Variants in NKAIN2 observed in about 807,000 individuals in gnomAD.
NKAIN2 encodes sodium/potassium transporting ATPase interacting 2, also known as sodium/potassium-transporting ATPase subunit beta-1-interacting protein 2.
In NKAIN2, 14 loss-of-function variants were observed where a neutral mutation model predicts 32.6. The observed-to-expected ratio is 0.43, with a 90% CI of 0.28 to 0.67. NKAIN2 has a LOEUF of 0.67. Ranked by LOEUF, NKAIN2 falls within the 30% of genes least tolerant of loss-of-function variation. The pLI, the probability that NKAIN2 is intolerant of heterozygous loss-of-function variation, is 0.17. For missense variants in NKAIN2, 198 were observed against 258.3 expected (o/e 0.77, Z 1.60); for synonymous variants, 80 against 87.2 (o/e 0.92, Z 0.46).
At chr6:124,074,645 C>T (rs536352258) in intron 1 of NKAIN2, among the ~76,000 whole-genome samples, 111 of 152,258 alleles carry the variant, frequency 7.3e-4, no homozygotes, top group Non-Finnish European at 9.8e-4. Context: ...ACTTTCAATA[C>T]CTTAATGCAC....
intron 1 of NKAIN2, among the ~76,000 whole-genome samples, chr6:124,110,493 G>T (rs1214307435): frequency 1.3e-5 from 2 of 152,014 alleles, no homozygotes; most frequent in Admixed American, 1.3e-4. Context: ...AGGTACAGAT[G>T]ACCCTGTGTG....
chr6:123,933,719 G>A (rs1156328571), intron 1 of NKAIN2, among the ~76,000 whole-genome samples: 1 of 152,174 alleles, frequency 6.6e-6, no homozygotes, highest in African/African-American at 2.4e-5. Flanking sequence ...CAGAAAGCTT[G>A]GCCTTTTGGG....
chr6:124,445,829 A>T (rs1229545288), intron 3 of NKAIN2, among the ~76,000 whole-genome samples: 1 of 152,134 alleles, frequency 6.6e-6, no homozygotes, highest in Non-Finnish European at 1.5e-5. Flanking sequence ...CATGTCATTA[A>T]GGATGCTATG....
At chr6:124,737,232 G>T (rs1776990563) in intron 4 of NKAIN2, among the ~76,000 whole-genome samples, 1 of 151,940 alleles carries the variant, frequency 6.6e-6, no homozygotes, top group African/African-American at 2.4e-5. Context: ...GGATGCGGCG[G>T]GAGCTAATTG....
At chr6:124,364,494 A>C (rs910460080) in intron 3 of NKAIN2, among the ~76,000 whole-genome samples, 1 of 152,050 alleles carries the variant, frequency 6.6e-6, no homozygotes, top group African/African-American at 2.4e-5. Flanking sequence ...ATCTAAATCA[A>C]AGAGAAGATT....
rs202196274 is a variant in NKAIN2, at chr6:124,288,015, GA to G, written c.192+4882del. Among the ~76,000 whole-genome samples the G allele has an allele frequency of 4.0e-3, 602 of 149,366 alleles. 2 individuals carry two copies. The highest frequency in any genetic ancestry group is 0.013 in the African/African-American group (530 of 40,718). ...TCTTCCAAACTCAGTCTCCAAACTA[GA>G]AAAAAAAAGTTTCAAAATAGCTGAA... On this transcript the variant is annotated intron_variant, in intron 2 of 6. Transcript: ENST00000368417.
intron 3 of NKAIN2, among the ~76,000 whole-genome samples, chr6:124,544,675 A>G (rs1780030911): frequency 6.6e-6 from 1 of 152,120 alleles, no homozygotes; most frequent in African/African-American, 2.4e-5. Context: ...GAAAAAAAAA[A>G]AGATGATGTC....
intron 1 of NKAIN2, among the ~76,000 whole-genome samples, chr6:124,254,262 A>G (rs1448824439): frequency 6.6e-6 from 1 of 152,162 alleles, no homozygotes; most frequent in Non-Finnish European, 1.5e-5. Flanking sequence ...TAAGTGTTCT[A>G]CTTTCAATTG....
chr6:124,108,974 T>C (rs1785245257), intron 1 of NKAIN2, among the ~76,000 whole-genome samples: 1 of 152,058 alleles, frequency 6.6e-6, no homozygotes. Flanking sequence ...GTAAGTACTG[T>C]ATTTTGAAGT....
At chr6:124,229,830 T>A (rs1792353295) in intron 1 of NKAIN2, among the ~76,000 whole-genome samples, 1 of 152,148 alleles carries the variant, frequency 6.6e-6, no homozygotes, top group African/African-American at 2.4e-5. Context: ...CACGTGGAAC[T>A]GTTAAGTCTG....
intron 1 of NKAIN2, among the ~76,000 whole-genome samples, chr6:124,069,370 G>A (rs1274723707): frequency 6.6e-6 from 1 of 152,120 alleles, no homozygotes; most frequent in Non-Finnish European, 1.5e-5. Flanking sequence ...GAGAGGCTGG[G>A]CTATTGGCTG....
intron 3 of NKAIN2, among the ~76,000 whole-genome samples, chr6:124,646,087 T>C (rs1344809642): frequency 1.3e-5 from 2 of 152,332 alleles, no homozygotes; most frequent in East Asian, 3.9e-4. Context: ...GAAGGAATAT[T>C]GTTTATAGAC....
chr6:124,809,464 C>T (rs1187385906), intron 5 of NKAIN2, among the ~76,000 whole-genome samples: 7 of 145,736 alleles, frequency 4.8e-5, no homozygotes, highest in African/African-American at 1.6e-4. Context: ...CTTCCTTACA[C>T]CTTATACAAA....
intron 3 of NKAIN2, among the ~76,000 whole-genome samples, chr6:124,549,190 C>A (rs1780201074): frequency 1.3e-5 from 2 of 152,018 alleles, no homozygotes. Flanking sequence ...CATAGTAAAA[C>A]CCCGTCTCTA....
chr6:123,938,609 TTA>T (rs960639563), intron 1 of NKAIN2, among the ~76,000 whole-genome samples: 2 of 137,308 alleles, frequency 1.5e-5, no homozygotes, highest in African/African-American at 5.4e-5. Flanking sequence ...ATATATATTT[TTA>T]TATATTATAT....
At chr6:124,022,530 A>G (rs1780913301) in intron 1 of NKAIN2, among the ~76,000 whole-genome samples, 1 of 152,140 alleles carries the variant, frequency 6.6e-6, no homozygotes. Flanking sequence ...AAGTGTTCCT[A>G]TTTCTCTTTG....
chr6:124,687,154 TATAA>T (rs1316047206), intron 4 of NKAIN2, among the ~76,000 whole-genome samples: 1 of 143,572 alleles, frequency 7.0e-6, no homozygotes, highest in African/African-American at 2.5e-5. Flanking sequence ...ATATATGGAA[TATAA>T]ATATTCTCTA....
intron 1 of NKAIN2, among the ~76,000 whole-genome samples, chr6:124,171,199 T>C (rs1485574299): frequency 6.6e-6 from 1 of 152,178 alleles, no homozygotes; most frequent in Non-Finnish European, 1.5e-5. Flanking sequence ...AGCCATATTC[T>C]TAAGGAACTT....
At chr6:124,562,636 A>C (rs1426266216) in intron 3 of NKAIN2, among the ~76,000 whole-genome samples, 1 of 152,194 alleles carries the variant, frequency 6.6e-6, no homozygotes. Context: ...TAAGAACAAA[A>C]ATAAACCTAC....
Sources: gnomAD v4.1 joint callset for allele counts (sites outside exome capture counted in the v4.1 genomes callset) on GRCh38, gnomAD v4.1.1 for gene constraint, MANE v1.5 for transcripts, NCBI Gene and HGNC (gene_info 2026-07-23, HGNC 2026-07-21) for gene names.